The following SLC35F2 variants were observed in gnomAD, a reference collection of about 807,000 sequenced individuals.
SLC35F2 encodes the protein solute carrier family 35 member F2.
A neutral mutation model predicts 38.1 loss-of-function variants in SLC35F2; 25 were observed. That is an observed-to-expected ratio of 0.66 (90% confidence interval 0.48 to 0.92). The LOEUF is 0.92. SLC35F2 is among the 40% of genes least tolerant of loss of function. The pLI is 0.00. For missense variants in SLC35F2, 409 were observed against 452.9 expected (o/e 0.90, Z 0.88); for synonymous variants, 173 against 181.7 (o/e 0.95, Z 0.38).
chr11:107,801,104 C>T (rs527257137), intron 7 of SLC35F2, among the ~76,000 whole-genome samples: 1 of 152,070 alleles, frequency 6.6e-6, no homozygotes, highest in South Asian at 2.1e-4. Flanking sequence ...GGGGGTTTCC[C>T]CATGTTGGCC....
At chr11:107,834,994 A>G (rs1859907237) in intron 1 of SLC35F2, among the ~76,000 whole-genome samples, 1 of 152,212 alleles carries the variant, frequency 6.6e-6, no homozygotes. Context: ...AAACCATCAT[A>G]ATATCATCCC....
intron 1 of SLC35F2, among the ~76,000 whole-genome samples, chr11:107,856,987 G>A (rs186031750): frequency 6.8e-6 from 1 of 147,276 alleles, no homozygotes; most frequent in African/African-American, 2.5e-5. Context: ...AGGAAGGGAG[G>A]GAGGGAGACT....
At chr11:107,817,929 C>T (rs1037647125) in intron 1 of SLC35F2, among the ~76,000 whole-genome samples, 1 of 151,218 alleles carries the variant, frequency 6.6e-6, no homozygotes, top group Non-Finnish European at 1.5e-5. Context: ...TGATGGCATG[C>T]ACCTGTAGTC....
intron 1 of SLC35F2, chr11:107,858,380 C>T (rs488512): frequency 0.4 from 100,865 of 253,418 alleles, 18,891 homozygotes; most frequent in South Asian, 0.57. Flanking sequence ...GAGGACCGAC[C>T]TAATAGTGCC....
intron 1 of SLC35F2, among the ~76,000 whole-genome samples, chr11:107,817,745 C>CGT (rs1438354849): frequency 2.6e-5 from 4 of 151,926 alleles, no homozygotes; most frequent in Admixed American, 6.6e-5. Flanking sequence ...AACATGTATC[C>CGT]GTGTATCTAT....
intron 1 of SLC35F2, among the ~76,000 whole-genome samples, chr11:107,832,511 A>G (rs1859861092): frequency 6.6e-6 from 1 of 152,170 alleles, no homozygotes; most frequent in African/African-American, 2.4e-5. Flanking sequence ...ACAATGAGAA[A>G]TCTATTTACA....
At chr11:107,807,654 C>T (rs1169030174) in intron 3 of SLC35F2, among the ~76,000 whole-genome samples, 3 of 151,752 alleles carry the variant, frequency 2.0e-5, no homozygotes, top group Non-Finnish European at 2.9e-5. Flanking sequence ...CTCACTGCAA[C>T]CTCTGCCTCT....
intron 6 of SLC35F2, chr11:107,803,470 G>A (rs1270721772): frequency 7.1e-6 from 7 of 984,916 alleles, no homozygotes; most frequent in South Asian, 9.4e-5. Context: ...CCAGGACAGC[G>A]ATGCCTGTGA....
At chr11:107,843,868 A>AATATATATAT (rs1178673709) in intron 1 of SLC35F2, among the ~76,000 whole-genome samples, 23 of 46,830 alleles carry the variant, frequency 4.9e-4, no homozygotes, top group Non-Finnish European at 6.7e-4. Flanking sequence ...AAAAAAAAAA[A>AATATATATAT]ATATATATAT....
chr11:107,851,792 G>A (rs1416296368), intron 1 of SLC35F2, among the ~76,000 whole-genome samples: 2 of 152,130 alleles, frequency 1.3e-5, no homozygotes, highest in African/African-American at 2.4e-5. Context: ...AAAGGGGGAA[G>A]GGAGAAGAAT....
At chr11:107,839,491 CCTCT>C (rs932917568) in intron 1 of SLC35F2, among the ~76,000 whole-genome samples, 5 of 152,184 alleles carry the variant, frequency 3.3e-5, no homozygotes, top group African/African-American at 1.2e-4. Flanking sequence ...TATTACCCTG[CCTCT>C]CTAACAAAGG....
In SLC35F2 at chr11:107,792,522, C is replaced by T; in HGVS notation, c.*93G>A. 7.1e-7 allele frequency: 1 copy of T among 1,413,490 alleles called. No homozygotes were observed. The highest frequency in any genetic ancestry group is 9.5e-7 in the Non-Finnish European group (1 of 1,053,718). The allele number at this position is 1,413,490 out of a possible 1,614,324, so 87.6% of individuals were successfully genotyped here. A position where few individuals can be genotyped will look rare whatever the true frequency, so the allele number is the denominator to read the frequency against. ...GATCCAACCCAGGGTTGTAGAGTGT[C>T]CATTCTGAGTCTGCTATTTCCCCAA... On this transcript the variant is annotated 3_prime_UTR_variant, in exon 8 of 8. Transcript: ENST00000525815.
intron 4 of SLC35F2, among the ~76,000 whole-genome samples, chr11:107,805,898 G>A (rs1215005381): frequency 6.6e-6 from 1 of 152,112 alleles, no homozygotes; most frequent in East Asian, 1.9e-4. Context: ...CGCTCACCTT[G>A]GCCTCCCAAA....
Position 107,792,755 on chromosome 11 carries a change from A to T in SLC35F2, c.985T>A (p.Phe329Ile). Residue 329 changes from phenylalanine (F) to isoleucine (I), a missense_variant, in exon 8 of 8, where the codon TTT becomes ATT. By Grantham distance (21) the Phe-to-Ile change is conservative (BLOSUM62 0). Coordinates refer to ENST00000525815, the MANE Select transcript of SLC35F2 (RefSeq NM_017515.5). ...ILSFTVIMVG[F>I]ILYCSTPTRT... ...GTAGGGGTGGAGCAGTACAGGATAA[A>T]CCCCACCATGATGACAGTGAAGGAC... 6.2e-7 allele frequency: 1 copy of T among 1,607,016 alleles called. No homozygotes were observed. The highest frequency in any genetic ancestry group is 8.5e-7 in the Non-Finnish European group (1 of 1,176,822).
intron 1 of SLC35F2, among the ~76,000 whole-genome samples, chr11:107,831,420 T>C (rs1041269070): frequency 6.6e-6 from 1 of 152,152 alleles, no homozygotes; most frequent in Non-Finnish European, 1.5e-5. Context: ...AAGGCCTCAC[T>C]CACTATGTTG....
intron 1 of SLC35F2, among the ~76,000 whole-genome samples, chr11:107,855,470 T>C (rs2134869639): frequency 6.6e-6 from 1 of 152,042 alleles, no homozygotes; most frequent in South Asian, 2.1e-4. Context: ...CTGACCAACA[T>C]GGAGAAGCCC....
chr11:107,850,178 C>T (rs1860155986), intron 1 of SLC35F2, among the ~76,000 whole-genome samples: 1 of 152,142 alleles, frequency 6.6e-6, no homozygotes, highest in South Asian at 2.1e-4. Flanking sequence ...CTCCCCTCTA[C>T]CTAGAGGGAC....
At chr11:107,801,299 CATG>C (rs1333685273) in intron 7 of SLC35F2, among the ~76,000 whole-genome samples, 1 of 152,272 alleles carries the variant, frequency 6.6e-6, no homozygotes, top group African/African-American at 2.4e-5. Context: ...CTAGAAGCTA[CATG>C]ATATGTGATA....
chr11:107,858,696 G>A lies in SLC35F2; in HGVS notation c.72C>T (p.Ser24=), dbSNP rs369700296. ...TGCCTTTTATCCTGCGCAGCAGGCT[G>A]GAGAACTCGGCCGCCGCTCCCTCCG... is the stretch of plus-strand genomic sequence containing the variant. ...PLAEGAAAEF[S]SLLRRIKGKL... is the part of the protein sequence containing the mutation. The change falls in exon 1 of 8, where the codon TCC becomes TCT. Residue 24 remains serine (S), a synonymous_variant. Transcript: ENST00000525815. 74 of 1,301,672 alleles carry A rather than the reference G, an allele frequency of 5.7e-5. No homozygotes were observed. The African/African-American group carries it at 7.7e-4, about 14-fold the overall frequency. 80.6% of individuals were successfully genotyped at this position (1,301,672 alleles called of 1,614,324 possible).
Sources: gnomAD v4.1 joint callset for allele counts (sites outside exome capture counted in the v4.1 genomes callset) on GRCh38, gnomAD v4.1.1 for gene constraint, MANE v1.5 for transcripts, NCBI Gene and HGNC (gene_info 2026-07-23, HGNC 2026-07-21) for gene names.